Variants in TNFRSF8 observed in about 807,000 individuals in gnomAD.
TNFRSF8 encodes the protein tumor necrosis factor receptor superfamily member 8.
TNFRSF8 carries 26 observed loss-of-function variants against 70.8 expected under a neutral mutation model. The ratio of observed to expected loss-of-function variants is 0.37; its 90% CI spans 0.27 to 0.51. The LOEUF is 0.51. Among genes scored for constraint, TNFRSF8 ranks in the 20% least tolerant of loss-of-function variants. TNFRSF8 has a pLI of 0.94. For missense variants in TNFRSF8, 720 were observed against 807.9 expected (o/e 0.89, Z 1.32); for synonymous variants, 356 against 339.2 (o/e 1.05, Z -0.54).
intron 8 of TNFRSF8, among the ~76,000 whole-genome samples, chr1:12,118,138 T>A (rs1156302133): frequency 6.3e-5 from 9 of 141,768 alleles, no homozygotes; most frequent in Non-Finnish European, 1.2e-4. Context: ...TGAGACAAAG[T>A]CTCGCTCTGT....
In TNFRSF8 at chr1:12,097,139, G is replaced by C. The variant is rs772112672; in HGVS notation, c.190G>C (p.Asp64His). The change falls in exon 3 of 15, where the codon GAC becomes CAC. Residue 64 changes from aspartate to histidine, a missense_variant. By Grantham distance (81) the Asp-to-His change is moderately conservative. Coordinates refer to ENST00000263932, the MANE Select transcript of TNFRSF8 (RefSeq NM_001243.5). ...ACAGCAGTGCCCACAGAGGCCTACTGACTGCAGGAAGCAGTGTGAGCCTGA... is the reference window on the plus strand; with the variant it reads ...ACAGCAGTGCCCACAGAGGCCTACTCACTGCAGGAAGCAGTGTGAGCCTGA... The part of the protein sequence containing the change: ...PTQQCPQRPT[D>H]CRKQCEPDYY... 2 of 1,614,056 alleles carry C rather than the reference G, an allele frequency of 1.2e-6. No individual in the cohort carries two copies. The highest frequency in any genetic ancestry group is 8.5e-7 in the Non-Finnish European group (1 of 1,179,982).
At chr1:12,095,805 T>C (rs1453519520) in intron 2 of TNFRSF8, among the ~76,000 whole-genome samples, 1 of 152,208 alleles carries the variant, frequency 6.6e-6, no homozygotes, top group Admixed American at 6.5e-5. Flanking sequence ...AGAGAAATAA[T>C]TGGCTCCCTA....
Position 12,079,193 on chromosome 1 carries a change from T to A in TNFRSF8, c.64-5271T>A, listed in dbSNP as rs115248175. Among the ~76,000 whole-genome samples, 412 of 152,300 alleles carry A rather than the reference T, an allele frequency of 2.7e-3. 4 individuals are homozygous for A. The highest frequency in any genetic ancestry group is 9.2e-3 in the African/African-American group (384 of 41,554). ...CTTTTTGAAAGTGAACTTTAACTGG[T>A]CTTGTAGGGAAAACCAAACCAACCT... On this transcript the variant is annotated intron_variant, in intron 1 of 14. Transcript: ENST00000263932.
chr1:12,073,003 C>A (rs960005518), intron 1 of TNFRSF8, among the ~76,000 whole-genome samples: 7 of 152,228 alleles, frequency 4.6e-5, no homozygotes, highest in African/African-American at 1.4e-4. Flanking sequence ...AGGAAACACA[C>A]CAGGCTGGGC....
intron 13 of TNFRSF8, among the ~76,000 whole-genome samples, chr1:12,137,212 T>C (rs1004086654): frequency 2.0e-5 from 3 of 152,154 alleles, no homozygotes; most frequent in African/African-American, 4.8e-5. Context: ...AAAGTTATTA[T>C]GTGGTTTTGT....
intron 12 of TNFRSF8, among the ~76,000 whole-genome samples, chr1:12,132,187 T>A (rs1642059930): frequency 6.6e-6 from 1 of 152,236 alleles, no homozygotes; most frequent in Non-Finnish European, 1.5e-5. Flanking sequence ...GTGATTAGCA[T>A]CTTAAGCCAG....
At chr1:12,101,186 A>C (rs186999390) in intron 3 of TNFRSF8, among the ~76,000 whole-genome samples, 250 of 152,272 alleles carry the variant, frequency 1.6e-3, no homozygotes, top group African/African-American at 5.7e-3. Flanking sequence ...GCACTTAGGG[A>C]GGCCAGGCTG....
rs151044944 is a variant in TNFRSF8, at chr1:12,111,135, C to T, written c.677-763C>T. On this transcript the variant is annotated intron_variant, in intron 6 of 14. Coordinates refer to ENST00000263932, the MANE Select transcript of TNFRSF8 (RefSeq NM_001243.5). ...CTTTTCCTATAGTTGTACCTTCTCC[C>T]GCTCCATGGCTTTGCTTATTCTCTC... 2.7e-3 allele frequency among the ~76,000 whole-genome samples: 417 copies of T among 152,200 alleles called. 5 individuals are homozygous for T. The highest frequency in any genetic ancestry group is 9.5e-3 in the African/African-American group (394 of 41,522).
chr1:12,104,434 T>G lies in TNFRSF8; in HGVS notation c.324T>G (p.Cys108Trp). Residue 108 changes from cysteine to tryptophan, a missense_variant, in exon 4 of 15, where the codon TGT becomes TGG. By Grantham distance (215) the Cys-to-Trp change is radical. Transcript: ENST00000263932. Reference protein sequence around the residue: ...CAWNSSRVCECRPGMFCSTSA... With the variant: ...CAWNSSRVCEWRPGMFCSTSA... ...GGAACTCCTCCCGTGTCTGCGAATG[T>G]CGACCCGGCATGTTCTGTTCCACGT... The G allele has an allele frequency of 6.2e-7, 1 of 1,614,182 alleles. No individual in the cohort carries two copies. The highest frequency in any genetic ancestry group is 8.5e-7 in the Non-Finnish European group (1 of 1,180,030).
chr1:12,141,693 C>T lies in TNFRSF8; in HGVS notation c.1544-594C>T, dbSNP rs916689411. Among the ~76,000 whole-genome samples, 8 of 152,190 alleles carry T rather than the reference C, an allele frequency of 5.3e-5. No homozygotes were observed. Among genetic ancestry groups the T allele is most frequent in the African/African-American group, 1.7e-4 (7 of 41,448 alleles). On this transcript the variant is annotated intron_variant, in intron 14 of 14. Transcript: ENST00000263932. This position sits in a 1 kb window ranked among gnomAD's most constrained non-coding sequence, Gnocchi z 5.4. Reference sequence around the variant, plus strand: ...GCAGTAGTAGAACCAGGAATGTTCCCGGGCAAGCTGGACAAGTTGGTCACC... The same window carrying T: ...GCAGTAGTAGAACCAGGAATGTTCCTGGGCAAGCTGGACAAGTTGGTCACC...
chr1:12,107,434 C>T (rs1641544749), intron 4 of TNFRSF8, among the ~76,000 whole-genome samples: 1 of 151,900 alleles, frequency 6.6e-6, no homozygotes, highest in South Asian at 2.1e-4. Flanking sequence ...AATGCAGATA[C>T]GTCTGCATTG....
intron 1 of TNFRSF8, among the ~76,000 whole-genome samples, chr1:12,073,718 C>A (rs1000845657): frequency 9.9e-5 from 15 of 151,386 alleles, no homozygotes; most frequent in African/African-American, 3.6e-4. Context: ...CTCAGGATCC[C>A]GAGTAGCTGG....
Position 12,111,934 on chromosome 1 carries a change from G to A in TNFRSF8, c.713G>A (p.Gly238Asp), listed in dbSNP as rs568179804. 2.5e-6 allele frequency: 4 copies of A among 1,614,232 alleles called. No homozygotes were observed. The South Asian group carries it at 3.3e-5, about 13-fold the overall frequency. Residue 238 changes from glycine (G) to aspartate (D), a missense_variant, in exon 7 of 15, where the codon GGT (glycine) becomes GAT (aspartate). Coordinates refer to ENST00000263932, the MANE Select transcript of TNFRSF8 (RefSeq NM_001243.5). Reference protein sequence around the residue: ...SPTQPCPEGSGDCRKQCEPDY... With the variant: ...SPTQPCPEGSDDCRKQCEPDY... Reference sequence around the variant, plus strand: ...ACACAGCCATGCCCAGAGGGGTCTGGTGATTGCAGAAAGCAGTGTGAGCCC... The same window carrying A: ...ACACAGCCATGCCCAGAGGGGTCTGATGATTGCAGAAAGCAGTGTGAGCCC...
rs746080785 is a variant in TNFRSF8, at chr1:12,084,480, A to G, written c.80A>G (p.Asp27Gly). ...ACCTGCCAGGATCGACCCTTCGAGG[A>G]CACCTGTCATGGAAACCCCAGCCAC... ...RAFPQDRPFE[D>G]TCHGNPSHYY... Residue 27 changes from aspartate (D) to glycine (G), a missense_variant, in exon 2 of 15, where the codon GAC becomes GGC. Physicochemically the swap from Asp to Gly is moderately conservative, Grantham distance 94 (BLOSUM62 -1). Transcript: ENST00000263932. 3.7e-6 allele frequency: 6 copies of G among 1,613,986 alleles called. No homozygotes were observed. Among genetic ancestry groups the G allele is most frequent in the South Asian group, 1.1e-5 (1 of 91,072 alleles).
chr1:12,092,389 T>A (rs145062841), intron 2 of TNFRSF8, among the ~76,000 whole-genome samples: 68 of 152,130 alleles, frequency 4.5e-4, no homozygotes, highest in African/African-American at 1.6e-3. Context: ...CCCAGGCTAG[T>A]CTCAAACTCC....
At position 12,120,616 on chromosome 1, in the gene TNFRSF8, C is replaced by T. The variant is rs145115223; in HGVS notation, c.947-2668C>T. Among the ~76,000 whole-genome samples, 255 of 152,260 alleles carry T rather than the reference C, an allele frequency of 1.7e-3. 2 individuals are homozygous for T. The highest frequency in any genetic ancestry group is 0.01 in the Middle Eastern group (3 of 294). On this transcript the variant is annotated intron_variant, in intron 8 of 14. Coordinates refer to ENST00000263932, the MANE Select transcript of TNFRSF8 (RefSeq NM_001243.5). ...GACAATTCTTTAAATGGCCCAAGGACTGGGTGTTTGGATTTAAAGAGAAGT... is the reference window on the plus strand; with the variant it reads ...GACAATTCTTTAAATGGCCCAAGGATTGGGTGTTTGGATTTAAAGAGAAGT...
In TNFRSF8 at chr1:12,138,022, C is replaced by T. The variant is rs1311329418; in HGVS notation, c.1336-207C>T. Among the ~76,000 whole-genome samples the T allele has an allele frequency of 6.6e-6, 1 of 152,108 alleles. No homozygotes were observed. The highest frequency in any genetic ancestry group is 2.4e-5 in the African/African-American group (1 of 41,416). On this transcript the variant is annotated intron_variant, in intron 13 of 14. Transcript: ENST00000263932. The surrounding 1 kb of genome is among the most constrained non-coding windows in gnomAD (Gnocchi z 5.7). Reference sequence around the variant, plus strand: ...TGGCGAGCACCCTGTGAGTCGCTGACTGTTACCCCTACTATTTAGTACAAA... The same window carrying T: ...TGGCGAGCACCCTGTGAGTCGCTGATTGTTACCCCTACTATTTAGTACAAA...
intron 12 of TNFRSF8, 66 bp from the exon 13 acceptor site, chr1:12,135,522 G>A: frequency 1.3e-6 from 2 of 1,564,700 alleles, no homozygotes; most frequent in Admixed American, 1.7e-5. Flanking sequence ...TTTGCCAATA[G>A]TTGGGGCGGG....
rs1251114147 is a variant in TNFRSF8, at chr1:12,110,353, T to C, written c.676+149T>C. The C allele has an allele frequency of 1.6e-5, 13 of 832,416 alleles. No individual in the cohort carries two copies. Among genetic ancestry groups the C allele is most frequent in the Non-Finnish European group, 5.3e-6 (3 of 567,264 alleles). 51.6% of individuals were successfully genotyped at this position (832,416 alleles called of 1,614,324 possible). ...ACGGTGGTAAGGTATGATCTAGGGC[T>C]GAAAGCATTGAGGGGCAGAGGTAGA... On this transcript the variant is annotated intron_variant, in intron 6 of 14. Transcript: ENST00000263932. This position sits in a 1 kb window ranked among gnomAD's most constrained non-coding sequence, Gnocchi z 4.0.
Sources: allele counts gnomAD v4.1 joint callset (sites outside exome capture counted in the v4.1 genomes callset), GRCh38; gene constraint gnomAD v4.1.1; non-coding constraint Gnocchi (gnomAD v3.1); transcripts MANE v1.5; gene names NCBI Gene and HGNC (gene_info 2026-07-23, HGNC 2026-07-21).